EED: variants seen among roughly 807,000 people sequenced by gnomAD.
EED encodes the protein polycomb protein EED.
Under a neutral mutation model 61.0 loss-of-function variants are expected in EED, and 9 were observed. That is an observed-to-expected ratio of 0.15 (90% CI 0.09 to 0.26). The LOEUF is 0.26. EED is among the 10% of genes least tolerant of loss of function. EED has a pLI of 1.00. For missense variants in EED, 315 were observed against 542.3 expected, an observed-to-expected ratio of 0.58 and a Z score of 4.16; for synonymous variants, 187 against 174.4, an observed-to-expected ratio of 1.07 and a Z score of -0.57.
At chr11:86,268,141 T>G in intron 8 of EED, 1 of 177,588 alleles carries the variant, frequency 5.6e-6, no homozygotes, top group Non-Finnish European at 1.2e-5. Context: ...CCTTTATTAT[T>G]GGTTAGGGTA....
chr11:86,267,601 G>T, intron 8 of EED, among the ~76,000 whole-genome samples: 1 of 151,854 alleles, frequency 6.6e-6, no homozygotes, highest in East Asian at 1.9e-4. Context: ...ATTTTATTTT[G>T]TTCTATTTGT....
chr11:86,270,405 A>G (rs963622189), intron 9 of EED, among the ~76,000 whole-genome samples: 3 of 150,162 alleles, frequency 2.0e-5, no homozygotes, highest in Admixed American at 6.6e-5. Context: ...AATATATTCT[A>G]AATATGAATC....
rs143650909 is a variant in EED, at chr11:86,264,186, T to C, written c.649T>C (p.Leu217=). The change falls in exon 7 of 12, where the codon TTA becomes CTA. Residue 217 remains leucine (L), a synonymous_variant. Transcript: ENST00000263360. Reference sequence around the variant, plus strand: ...GTTTATACTAGATCATGCTTTACGATTATGGAATATCCAGACGGACACTCT... The same window carrying C: ...GTTTATACTAGATCATGCTTTACGACTATGGAATATCCAGACGGACACTCT... ...LSVSKDHALR[L]WNIQTDTLVA... 8 of 1,613,674 alleles carry C rather than the reference T, an allele frequency of 5.0e-6. No individual in the cohort carries two copies. The African/African-American group carries it at 6.7e-5, about 13-fold the overall frequency.
In EED at chr11:86,278,630, A is replaced by C; in HGVS notation, c.*105A>C. 1.4e-6 allele frequency: 2 copies of C among 1,454,266 alleles called. No individual in the cohort carries two copies. The highest frequency in any genetic ancestry group is 1.9e-6 in the Non-Finnish European group (2 of 1,079,580). 90.1% of individuals were successfully genotyped at this position (1,454,266 alleles called of 1,614,324 possible). ...CGTAGAGCATTTAGAGTTGTCTTTC[A>C]GCATTCAATCAGGCTGAGCTGAATG... is the stretch of plus-strand genomic sequence containing the variant. On this transcript the variant is annotated 3_prime_UTR_variant, in exon 12 of 12. Coordinates refer to ENST00000263360, the MANE Select transcript of EED (RefSeq NM_003797.5).
chr11:86,249,368 T>C (rs922095031), intron 1 of EED, among the ~76,000 whole-genome samples: 2 of 141,510 alleles, frequency 1.4e-5, no homozygotes, highest in Non-Finnish European at 3.0e-5. Context: ...GGCTGTTTAA[T>C]AGGCATTTCA....
chr11:86,277,460 C>A (rs906177010), intron 10 of EED: 4 of 196,546 alleles, frequency 2.0e-5, no homozygotes, highest in African/African-American at 9.2e-5. Context: ...ATTAGATTGT[C>A]AGTCTACCTA....
chr11:86,267,106 A>AAT (rs1400035336), intron 8 of EED, among the ~76,000 whole-genome samples: 1 of 152,212 alleles, frequency 6.6e-6, no homozygotes, highest in Non-Finnish European at 1.5e-5. Context: ...AGATATCTGG[A>AAT]ATAAATACAA....
chr11:86,260,430 T>C (rs1219087447), intron 6 of EED, among the ~76,000 whole-genome samples: 1 of 152,136 alleles, frequency 6.6e-6, no homozygotes, highest in African/African-American at 2.4e-5. Context: ...GGTTTCATTA[T>C]GTTGTCCAAC....
intron 3 of EED, among the ~76,000 whole-genome samples, chr11:86,253,720 A>G (rs904774440): frequency 2.0e-5 from 3 of 152,164 alleles, no homozygotes; most frequent in Non-Finnish European, 4.4e-5. Flanking sequence ...TAAAATAATA[A>G]TAGGTTTTTG....
Position 86,252,184 on chromosome 11 carries a change from A to G in EED, c.304A>G (p.Asn102Asp), listed in dbSNP as rs1263775594. Residue 102 changes from asparagine (N) to aspartate (D), a missense_variant, in exon 3 of 12, where the codon AAC becomes GAC. Physicochemically the swap from Asn to Asp is conservative, Grantham distance 23. This residue lies in a region of EED where 205 missense variants were observed against 455.4 expected (regional missense o/e 0.45). Coordinates refer to ENST00000263360, the MANE Select transcript of EED (RefSeq NM_003797.5). The stretch of plus-strand genomic sequence containing the variant: ...CCAACCATTGTTTGGAGTTCAGTTT[A>G]ACTGGCACAGTAAAGAAGGAGATCC... ...HNQPLFGVQF[N>D]WHSKEGDPLV... 6.2e-7 allele frequency: 1 copy of G among 1,612,180 alleles called. No homozygotes were observed. The highest frequency in any genetic ancestry group is 8.5e-7 in the Non-Finnish European group (1 of 1,178,774).
the EED span, among the ~76,000 whole-genome samples, chr11:86,286,381 A>G: frequency 6.6e-6 from 1 of 151,972 alleles, no homozygotes; most frequent in Non-Finnish European, 1.5e-5. Flanking sequence ...GTTTCGAAGG[A>G]AAAAAAATGG....
downstream of EED, among the ~76,000 whole-genome samples, chr11:86,282,694 G>GT (rs1240354766): frequency 3.9e-5 from 6 of 152,152 alleles, no homozygotes; most frequent in Non-Finnish European, 5.9e-5. Flanking sequence ...AGATCAGGGT[G>GT]TTTTTTCTGT....
At position 86,245,060 on chromosome 11, in the gene EED, C is replaced by G. The variant is rs1945351142; in HGVS notation, c.-170C>G. 2 of 540,310 alleles carry G rather than the reference C, an allele frequency of 3.7e-6. No individual in the cohort carries two copies. The highest frequency in any genetic ancestry group is 3.2e-6 in the Non-Finnish European group (1 of 309,556). The allele number at this position is 540,310 out of a possible 1,614,324, so 33.5% of individuals were successfully genotyped here. On this transcript the variant is annotated 5_prime_UTR_variant, in exon 1 of 12. Coordinates refer to ENST00000263360, the MANE Select transcript of EED (RefSeq NM_003797.5). ...CCCTTTTTCAGCAGTGTGGCGGGGT[C>G]GCACGCACGCCCGCCTCGGCGGCTG...
In EED at chr11:86,264,439, A is replaced by G. The variant is rs201509894; in HGVS notation, c.726+176A>G. The G allele has an allele frequency of 8.2e-5, 34 of 416,878 alleles. 1 individual carries two copies. In the South Asian group the frequency reaches 2.0e-3, roughly 24 times the overall value. The allele number at this position is 416,878 out of a possible 1,614,324, so 25.8% of individuals were successfully genotyped here. ...TGAAGGAATAAAACAAGTAAAGACT[A>G]TATTTATTTATTTATTTTTTAAATT... On this transcript the variant is annotated intron_variant, in intron 7 of 11. Coordinates refer to ENST00000263360, the MANE Select transcript of EED (RefSeq NM_003797.5).
intron 3 of EED, among the ~76,000 whole-genome samples, chr11:86,252,996 C>T (rs1945573547): frequency 6.6e-6 from 1 of 152,138 alleles, no homozygotes; most frequent in Admixed American, 6.5e-5. Flanking sequence ...AATCTACCTG[C>T]CTTGGCCTCC....
chr11:86,264,142 A>G (rs1438311538), intron 6 of EED, 30 bp from the exon 7 acceptor site: 3 of 1,549,706 alleles, frequency 1.9e-6, no homozygotes, highest in East Asian at 4.5e-5. Flanking sequence ...AATAAAAAAC[A>G]TTCGCCTAAT....
At chr11:86,259,043 T>C (rs549900891) in intron 6 of EED, among the ~76,000 whole-genome samples, 2 of 151,514 alleles carry the variant, frequency 1.3e-5, no homozygotes, top group East Asian at 3.9e-4. Flanking sequence ...ATTTTTTTTA[T>C]TTTTAGTAGA....
At position 86,278,252 on chromosome 11, in the gene EED, AGACT is replaced by A; in HGVS notation, c.1200-144_1200-141del. On this transcript the variant is annotated intron_variant, in intron 11 of 11. Coordinates refer to ENST00000263360, the MANE Select transcript of EED (RefSeq NM_003797.5). ...ATATATCTAAATTTTATAAAATTTG[AGACT>A]GAGCTCTTAGTGAAGTATATTCTGG... The A allele has an allele frequency of 9.5e-6, 13 of 1,363,398 alleles. No homozygotes were observed. In the South Asian group the frequency reaches 2.6e-4, roughly 27 times the overall value. The allele number at this position is 1,363,398 out of a possible 1,614,324, so 84.5% of individuals were successfully genotyped here. A position where few individuals can be genotyped will look rare whatever the true frequency, so the allele number is the denominator to read the frequency against.
At chr11:86,267,101 T>C (rs1034964745) in intron 8 of EED, among the ~76,000 whole-genome samples, 1 of 152,194 alleles carries the variant, frequency 6.6e-6, no homozygotes, top group African/African-American at 2.4e-5. Context: ...TTTCTAGATA[T>C]CTGGAATAAA....
Sources: allele counts gnomAD v4.1 joint callset (sites outside exome capture counted in the v4.1 genomes callset), GRCh38; gene constraint gnomAD v4.1.1; regional missense constraint gnomAD v4.1.1; transcripts MANE v1.5; gene names NCBI Gene and HGNC (gene_info 2026-07-23, HGNC 2026-07-21).